Variants in BANK1 observed in about 807,000 individuals in gnomAD.
The protein encoded by BANK1 is B-cell scaffold protein with ankyrin repeats.
Under a neutral mutation model 94.5 loss-of-function variants are expected in BANK1, and 95 were observed. That is an observed-to-expected ratio of 1.00 (90% CI 0.85 to 1.19). BANK1 has a LOEUF of 1.19. BANK1 is among the 50% of genes most tolerant of loss of function. The pLI is 0.00. For synonymous variants in BANK1, 334 were observed against 308.4 expected, an observed-to-expected ratio of 1.08 and a Z score of -0.87; for missense variants, 987 against 932.2, an observed-to-expected ratio of 1.06 and a Z score of -0.77.
chr4:101,932,544 A>G lies in BANK1; in HGVS notation c.1206+14355A>G, dbSNP rs958579988. ...GGAGGACTTCCATGTTGCTAGAGAC[A>G]GCTATCACCCTATTACCAGAGAGCA... On this transcript the variant is annotated intron_variant, in intron 7 of 16. Coordinates refer to ENST00000322953, the MANE Select transcript of BANK1 (RefSeq NM_017935.5). Among the ~76,000 whole-genome samples, 3 of 151,660 alleles carry G rather than the reference A, an allele frequency of 2.0e-5. No homozygotes were observed. The South Asian group carries it at 6.2e-4, about 31-fold the overall frequency.
At chr4:102,058,596 G>GTA (rs982434220) in intron 11 of BANK1, among the ~76,000 whole-genome samples, 2 of 151,498 alleles carry the variant, frequency 1.3e-5, no homozygotes, top group Non-Finnish European at 2.9e-5. Flanking sequence ...GGTTTGACTT[G>GTA]TATACCCTTA....
At chr4:101,982,611 A>G (rs1055998472) in intron 7 of BANK1, among the ~76,000 whole-genome samples, 6 of 151,986 alleles carry the variant, frequency 3.9e-5, no homozygotes, top group South Asian at 2.1e-4. Context: ...AGTACTTACT[A>G]TAGTACTTAC....
Position 101,945,343 on chromosome 4 carries a change from G to A in BANK1, c.1206+27154G>A, listed in dbSNP as rs140543071. 9.8e-4 allele frequency among the ~76,000 whole-genome samples: 149 copies of A among 151,778 alleles called. 3 individuals are homozygous for A. The East Asian group carries it at 0.026, about 27-fold the overall frequency. ...TACTATAAACTTTCATTTGTCTTTG[G>A]AGCATGAGGGGCAAACATTTTCTTG... is the stretch of plus-strand genomic sequence containing the variant. On this transcript the variant is annotated intron_variant, in intron 7 of 16. Transcript: ENST00000322953.
intron 2 of BANK1, among the ~76,000 whole-genome samples, chr4:101,845,328 T>A (rs906677381): frequency 3.3e-5 from 5 of 152,126 alleles, no homozygotes; most frequent in African/African-American, 1.2e-4. Flanking sequence ...ATTTACAAGT[T>A]AAAATCCTCA....
At chr4:101,826,173 C>T (rs1450952947) in intron 1 of BANK1, among the ~76,000 whole-genome samples, 1 of 152,042 alleles carries the variant, frequency 6.6e-6, no homozygotes, top group Non-Finnish European at 1.5e-5. Flanking sequence ...CCCAGTAAGC[C>T]TTCACATACT....
At chr4:102,035,512 G>T (rs1247445694) in intron 10 of BANK1, among the ~76,000 whole-genome samples, 1 of 152,098 alleles carries the variant, frequency 6.6e-6, no homozygotes, top group African/African-American at 2.4e-5. Context: ...GCCGGGCATG[G>T]TGGCGGGTGC....
chr4:102,011,903 G>A (rs1726524087), intron 7 of BANK1, among the ~76,000 whole-genome samples: 1 of 152,084 alleles, frequency 6.6e-6, no homozygotes, highest in African/African-American at 2.4e-5. Flanking sequence ...ACCTCCTGCT[G>A]ATAAACTCAT....
chr4:101,876,974 A>G (rs1466085949), intron 5 of BANK1, among the ~76,000 whole-genome samples: 1 of 152,106 alleles, frequency 6.6e-6, no homozygotes, highest in African/African-American at 2.4e-5. Context: ...GTGAGCTTGA[A>G]GACAGGCTAT....
chr4:102,045,597 C>G (rs1727852551), intron 11 of BANK1, among the ~76,000 whole-genome samples: 1 of 152,134 alleles, frequency 6.6e-6, no homozygotes, highest in Non-Finnish European at 1.5e-5. Context: ...AGCAAAGTCT[C>G]AGGATACAAA....
At chr4:101,923,729 A>G (rs1723070883) in intron 7 of BANK1, among the ~76,000 whole-genome samples, 1 of 151,860 alleles carries the variant, frequency 6.6e-6, no homozygotes, top group Non-Finnish European at 1.5e-5. Context: ...AAGAAATGGG[A>G]TGTGCAGTTG....
intron 9 of BANK1, among the ~76,000 whole-genome samples, 163 bp from the exon 10 acceptor site, chr4:102,029,797 G>T (rs912191311): frequency 2.6e-5 from 4 of 151,936 alleles, no homozygotes; most frequent in Non-Finnish European, 5.9e-5. Flanking sequence ...CATTTAGGGG[G>T]TGACATATAA....
intron 5 of BANK1, among the ~76,000 whole-genome samples, chr4:101,893,895 C>G (rs527865004): frequency 1.2e-4 from 18 of 152,094 alleles, no homozygotes; most frequent in African/African-American, 4.3e-4. Context: ...TATTTGAAAT[C>G]CCCACTTCTT....
At chr4:101,965,477 G>GA (rs902158642) in intron 7 of BANK1, among the ~76,000 whole-genome samples, 10 of 151,988 alleles carry the variant, frequency 6.6e-5, no homozygotes, top group African/African-American at 2.4e-4. Flanking sequence ...AGTACCATTA[G>GA]AAAAAAGTTT....
At position 101,997,858 on chromosome 4, in the gene BANK1, A is replaced by C. The variant is rs2866392; in HGVS notation, c.1207-23656A>C. Reference sequence around the variant, plus strand: ...TAGTAGTCTATTTTGCTAATTTTTTAAAAAAACCAGCTCCTGGATTCATTG... The same window carrying C: ...TAGTAGTCTATTTTGCTAATTTTTTCAAAAAACCAGCTCCTGGATTCATTG... On this transcript the variant is annotated intron_variant, in intron 7 of 16. Transcript: ENST00000322953. Among the ~76,000 whole-genome samples the C allele has an allele frequency of 6.2e-3, 938 of 151,656 alleles. 12 individuals are homozygous for C. Among genetic ancestry groups the C allele is most frequent in the East Asian group, 0.057 (291 of 5,150 alleles).
intron 6 of BANK1, among the ~76,000 whole-genome samples, chr4:101,896,949 G>T (rs1722102871): frequency 6.6e-6 from 1 of 151,876 alleles, no homozygotes; most frequent in African/African-American, 2.4e-5. Context: ...TAATGTTATT[G>T]TAAATGTATT....
At chr4:102,072,011 T>G (rs1728778157) in intron 14 of BANK1, among the ~76,000 whole-genome samples, 1 of 152,108 alleles carries the variant, frequency 6.6e-6, no homozygotes, top group African/African-American at 2.4e-5. Context: ...AAAAGTGTGT[T>G]TTGTAATTGG....
intron 7 of BANK1, among the ~76,000 whole-genome samples, chr4:101,979,718 G>A (rs912401921): frequency 6.6e-6 from 1 of 151,786 alleles, no homozygotes; most frequent in East Asian, 1.9e-4. Context: ...ATTTGTGTAA[G>A]TATATAAATA....
At position 101,808,247 on chromosome 4, in the gene BANK1, G is replaced by A. The variant is rs114986146; in HGVS notation, c.70+17297G>A. 5.1e-3 allele frequency among the ~76,000 whole-genome samples: 773 copies of A among 152,072 alleles called. 8 individuals are homozygous for A. The highest frequency in any genetic ancestry group is 0.017 in the African/African-American group (719 of 41,474). On this transcript the variant is annotated intron_variant, in intron 1 of 16. Transcript: ENST00000322953. Reference sequence around the variant, plus strand: ...CTCATACCAGAAAGGTTTTCCTCCCGTGTAGACATTTCTGTTTTTTAGATA... The same window carrying A: ...CTCATACCAGAAAGGTTTTCCTCCCATGTAGACATTTCTGTTTTTTAGATA...
At chr4:101,964,373 A>C (rs1350133780) in intron 7 of BANK1, among the ~76,000 whole-genome samples, 1 of 152,080 alleles carries the variant, frequency 6.6e-6, no homozygotes, top group Non-Finnish European at 1.5e-5. Flanking sequence ...ACCATCCCAC[A>C]GCCCCACAGA....
Sources: allele counts gnomAD v4.1 joint callset (sites outside exome capture counted in the v4.1 genomes callset), GRCh38; gene constraint gnomAD v4.1.1; transcripts MANE v1.5; gene names NCBI Gene and HGNC (gene_info 2026-07-23, HGNC 2026-07-21).